CENPP: variants seen among roughly 807,000 people sequenced by gnomAD.
CENPP encodes the protein centromere protein P.
A neutral mutation model predicts 35.6 loss-of-function variants in CENPP; 24 were observed. That is an observed-to-expected ratio of 0.67 (90% CI 0.49 to 0.95). CENPP has a LOEUF of 0.95. Ranked by LOEUF, CENPP falls within the 40% of genes least tolerant of loss-of-function variation. CENPP has a pLI of 0.00. For missense variants in CENPP, 332 were observed against 345.3 expected (o/e 0.96, Z 0.31); for synonymous variants, 120 against 125.5 (o/e 0.96, Z 0.29).
chr9:92,537,488 C>T (rs981681267), intron 5 of CENPP, among the ~76,000 whole-genome samples: 31 of 151,912 alleles, frequency 2.0e-4, no homozygotes, highest in Non-Finnish European at 4.6e-4. Flanking sequence ...TGTGAAACCC[C>T]GTCTCTACTA....
At chr9:92,516,702 T>C (rs1847745362) in intron 5 of CENPP, 1 of 152,204 alleles carries the variant, frequency 6.6e-6, no homozygotes, top group Admixed American at 6.5e-5. Context: ...TTTCTGAGAA[T>C]TTGTGACTCT....
At chr9:92,544,974 AGCCCG>A (rs1849400134) in intron 5 of CENPP, among the ~76,000 whole-genome samples, 16 of 152,156 alleles carry the variant, frequency 1.1e-4, no homozygotes, top group Admixed American at 1.0e-3. Context: ...CACCCGCCTC[AGCCCG>A]CTCCAGAGTG....
rs759641319 is a variant in CENPP, at chr9:92,345,768, T to C, written c.448T>C (p.Leu150=). Residue 150 remains leucine (L), a synonymous_variant, in exon 4 of 8, where the codon TTA becomes CTA. Transcript: ENST00000375587. ...AATGGAGCCCACAGAATGCTCAGAA[T>C]TAAGTGAATTTGTGTCTAGGTAAGC... The part of the protein sequence containing the change: ...IIMEPTECSE[L]SEFVSRAEER... The C allele has an allele frequency of 1.2e-6, 2 of 1,600,386 alleles. No individual in the cohort carries two copies. The highest frequency in any genetic ancestry group is 1.7e-6 in the Non-Finnish European group (2 of 1,168,754).
At chr9:92,402,884 C>T (rs576607362) in intron 5 of CENPP, among the ~76,000 whole-genome samples, 146 of 152,112 alleles carry the variant, frequency 9.6e-4, no homozygotes, top group African/African-American at 3.2e-3. Context: ...TACACATTTC[C>T]GCTAATTTAT....
chr9:92,464,313 G>C (rs1293699499), intron 5 of CENPP, among the ~76,000 whole-genome samples: 2 of 152,346 alleles, frequency 1.3e-5, no homozygotes, highest in East Asian at 3.9e-4. Context: ...GTCACACAAA[G>C]CCATGATAAA....
chr9:92,607,900 T>C (rs1851126249), intron 5 of CENPP, among the ~76,000 whole-genome samples: 2 of 152,226 alleles, frequency 1.3e-5, no homozygotes, highest in African/African-American at 4.8e-5. Context: ...ACAGCCATCT[T>C]TCTATCATAA....
intron 5 of CENPP, among the ~76,000 whole-genome samples, chr9:92,437,535 G>A (rs897160883): frequency 1.3e-5 from 2 of 148,954 alleles, no homozygotes; most frequent in Non-Finnish European, 3.0e-5. Context: ...TCAGCTTCCC[G>A]AGTAGCTGAG....
intron 5 of CENPP, among the ~76,000 whole-genome samples, chr9:92,443,140 CATAATT>C (rs1844464099): frequency 6.6e-6 from 1 of 152,092 alleles, no homozygotes; most frequent in Admixed American, 6.6e-5. Flanking sequence ...TTACAGTAGA[CATAATT>C]ATATTTTTGA....
At chr9:92,595,408 A>AT (rs1850755330) in intron 5 of CENPP, among the ~76,000 whole-genome samples, 1 of 151,394 alleles carries the variant, frequency 6.6e-6, no homozygotes, top group African/African-American at 2.4e-5. Flanking sequence ...CACGCAGCTA[A>AT]TTTTTTATTT....
chr9:92,398,746 A>G (rs963998382), intron 5 of CENPP, among the ~76,000 whole-genome samples: 3 of 152,164 alleles, frequency 2.0e-5, no homozygotes, highest in African/African-American at 7.2e-5. Flanking sequence ...TTGCATTTGT[A>G]TTTTATTTTG....
At chr9:92,406,783 C>G (rs1023173128) in intron 5 of CENPP, among the ~76,000 whole-genome samples, 1 of 152,160 alleles carries the variant, frequency 6.6e-6, no homozygotes, top group Non-Finnish European at 1.5e-5. Context: ...TCCCTCAGTT[C>G]CTTGCCATGT....
At chr9:92,452,973 A>G (rs1844758182) in intron 5 of CENPP, among the ~76,000 whole-genome samples, 1 of 151,992 alleles carries the variant, frequency 6.6e-6, no homozygotes, top group Non-Finnish European at 1.5e-5. Context: ...TATTGCGTCT[A>G]TTTGAATCTT....
intron 5 of CENPP, among the ~76,000 whole-genome samples, chr9:92,492,389 G>T (rs535752018): frequency 8.5e-5 from 13 of 152,138 alleles, no homozygotes; most frequent in Non-Finnish European, 1.5e-4. Flanking sequence ...GGGAATAATC[G>T]TCTTGATGAC....
At chr9:92,423,654 A>G (rs1843880651) in intron 5 of CENPP, among the ~76,000 whole-genome samples, 1 of 152,180 alleles carries the variant, frequency 6.6e-6, no homozygotes, top group Non-Finnish European at 1.5e-5. Context: ...CAAAGTAACT[A>G]GATCCTTCAA....
At chr9:92,496,353 A>G (rs1272401991) in intron 5 of CENPP, 4 of 1,603,326 alleles carry the variant, frequency 2.5e-6, no homozygotes, top group Non-Finnish European at 3.4e-6. Context: ...ATACTTGAGT[A>G]TGATCTTATG....
intron 5 of CENPP, among the ~76,000 whole-genome samples, chr9:92,428,326 T>C (rs903828215): frequency 1.3e-5 from 2 of 152,186 alleles, no homozygotes; most frequent in African/African-American, 4.8e-5. Context: ...CGGAGGTCCA[T>C]CATCATCAGA....
At chr9:92,331,028 T>G (rs1354964654) in intron 1 of CENPP, among the ~76,000 whole-genome samples, 1 of 152,030 alleles carries the variant, frequency 6.6e-6, no homozygotes, top group African/African-American at 2.4e-5. Context: ...AAAATATATT[T>G]ATATGTTCTC....
At chr9:92,369,790 C>G (rs1841967967) in intron 4 of CENPP, among the ~76,000 whole-genome samples, 1 of 152,140 alleles carries the variant, frequency 6.6e-6, no homozygotes, top group Non-Finnish European at 1.5e-5. Flanking sequence ...ACAATTTCAC[C>G]TTGCTCTTTT....
chr9:92,368,671 A>G (rs1330486548), intron 4 of CENPP, among the ~76,000 whole-genome samples: 1 of 152,186 alleles, frequency 6.6e-6, no homozygotes, highest in Non-Finnish European at 1.5e-5. Context: ...TTTTTTGGCT[A>G]CTGACGGGAA....
Sources: allele counts gnomAD v4.1 joint callset (sites outside exome capture counted in the v4.1 genomes callset), GRCh38; gene constraint gnomAD v4.1.1; transcripts MANE v1.5; gene names NCBI Gene and HGNC (gene_info 2026-07-23, HGNC 2026-07-21).